The following MAGI2 variants were observed in gnomAD, a reference collection of about 807,000 sequenced individuals.
MAGI2 encodes membrane associated guanylate kinase, WW and PDZ domain containing 2.
Under a neutral mutation model 133.3 loss-of-function variants are expected in MAGI2, and 35 were observed. The ratio of observed to expected loss-of-function variants is 0.26; its 90% CI spans 0.20 to 0.35. The LOEUF is 0.35. Among genes scored for constraint, MAGI2 ranks in the 10% least tolerant of loss-of-function variants. MAGI2 has a pLI of 1.00. For missense variants in MAGI2, 1,636 were observed against 1,863.4 expected, an observed-to-expected ratio of 0.88 and a Z score of 2.25; for synonymous variants, 729 against 710.6, an observed-to-expected ratio of 1.03 and a Z score of -0.41.
At chr7:78,713,079 A>G (rs1039988626) in intron 2 of MAGI2, among the ~76,000 whole-genome samples, 1 of 152,162 alleles carries the variant, frequency 6.6e-6, no homozygotes, top group Non-Finnish European at 1.5e-5. Context: ...TCCCCAAAAA[A>G]TATGCTTTTG....
intron 1 of MAGI2, among the ~76,000 whole-genome samples, chr7:79,391,925 C>A (rs1016987053): frequency 7.9e-5 from 12 of 152,014 alleles, no homozygotes; most frequent in African/African-American, 2.9e-4. Flanking sequence ...ACCTCGTGAT[C>A]TGCCCGCCTT....
At chr7:79,282,316 A>G (rs1528269) in intron 1 of MAGI2, among the ~76,000 whole-genome samples, 88,033 of 151,922 alleles carry the variant, frequency 0.58, 27,175 homozygotes, top group Non-Finnish European at 0.68. Context: ...TTGCGTTTAT[A>G]GCCTCCAGAT....
intron 9 of MAGI2, among the ~76,000 whole-genome samples, chr7:78,309,831 C>G (rs1165435733): frequency 7.2e-6 from 1 of 139,336 alleles, no homozygotes. Context: ...GAGGCTCAGA[C>G]CTTTCTTCTA....
intron 6 of MAGI2, among the ~76,000 whole-genome samples, chr7:78,407,351 T>C (rs1797472530): frequency 6.6e-6 from 1 of 151,952 alleles, no homozygotes; most frequent in Admixed American, 6.6e-5. Flanking sequence ...TGTTTAACTT[T>C]CCATTAGGTC....
intron 20 of MAGI2, among the ~76,000 whole-genome samples, chr7:78,106,263 G>T (rs1246130585): frequency 6.6e-6 from 1 of 151,848 alleles, no homozygotes; most frequent in African/African-American, 2.4e-5. Flanking sequence ...ATCCATTGAC[G>T]GACACTTAAG....
At chr7:78,689,222 C>T (rs1453286282) in intron 2 of MAGI2, among the ~76,000 whole-genome samples, 1 of 152,014 alleles carries the variant, frequency 6.6e-6, no homozygotes, top group Non-Finnish European at 1.5e-5. Flanking sequence ...AATTATCTAT[C>T]CTATTGCAGA....
intron 1 of MAGI2, among the ~76,000 whole-genome samples, chr7:79,091,685 T>C (rs1817066879): frequency 6.6e-6 from 1 of 151,840 alleles, no homozygotes; most frequent in Admixed American, 6.6e-5. Context: ...CAGTAAGTCC[T>C]TCAGGTTTTG....
At chr7:78,742,701 A>C (rs73152448) in intron 2 of MAGI2, among the ~76,000 whole-genome samples, 6,673 of 152,296 alleles carry the variant, frequency 0.044, 216 homozygotes, top group Non-Finnish European at 0.067. Context: ...CTTGCCTCTC[A>C]TCCATCAAGA....
At chr7:78,262,177 G>C (rs1434724874) in intron 9 of MAGI2, among the ~76,000 whole-genome samples, 2 of 152,050 alleles carry the variant, frequency 1.3e-5, no homozygotes, top group Admixed American at 1.3e-4. Flanking sequence ...AGTCTTGCAG[G>C]TAGCATTATT....
At chr7:79,004,698 A>T (rs1807255835) in intron 2 of MAGI2, among the ~76,000 whole-genome samples, 1 of 152,242 alleles carries the variant, frequency 6.6e-6, no homozygotes, top group Non-Finnish European at 1.5e-5. Flanking sequence ...TGCATGTAAC[A>T]AAATAAATAT....
At chr7:79,333,996 G>T (rs1229434941) in intron 1 of MAGI2, among the ~76,000 whole-genome samples, 3 of 152,150 alleles carry the variant, frequency 2.0e-5, no homozygotes, top group Non-Finnish European at 4.4e-5. Flanking sequence ...AGTTAAGGAT[G>T]ACATTACACT....
At chr7:79,218,260 A>T (rs2129553277) in intron 1 of MAGI2, among the ~76,000 whole-genome samples, 1 of 152,102 alleles carries the variant, frequency 6.6e-6, no homozygotes, top group East Asian at 1.9e-4. Context: ...AAAAATCCCC[A>T]GTGTGCTATC....
chr7:78,273,943 G>C lies in MAGI2; in HGVS notation c.1409-17362C>G, dbSNP rs115233982. On this transcript the variant is annotated intron_variant, in intron 9 of 21. Transcript: ENST00000354212. ...TTCTGAAGTGTACTTCTGTCAGTTC[G>C]TCAAACTCATTCTCCACCCAGTTTT... Among the ~76,000 whole-genome samples, 714 of 152,112 alleles carry C rather than the reference G, an allele frequency of 4.7e-3. 7 individuals are homozygous for C. Among genetic ancestry groups the C allele is most frequent in the African/African-American group, 0.015 (642 of 41,522 alleles).
At chr7:78,828,190 CG>C (rs111601247) in intron 2 of MAGI2, among the ~76,000 whole-genome samples, 5,680 of 152,214 alleles carry the variant, frequency 0.037, 343 homozygotes, top group African/African-American at 0.13. Context: ...CAGCCTTCCC[CG>C]CCTCTTAAAT....
intron 2 of MAGI2, among the ~76,000 whole-genome samples, chr7:78,954,557 A>G (rs1802138067): frequency 6.6e-6 from 1 of 152,156 alleles, no homozygotes; most frequent in African/African-American, 2.4e-5. Context: ...CTGGTCTGGC[A>G]ATAGTGTGGA....
At chr7:79,439,520 T>C (rs746878490) in intron 1 of MAGI2, among the ~76,000 whole-genome samples, 12 of 152,136 alleles carry the variant, frequency 7.9e-5, no homozygotes, top group Non-Finnish European at 1.3e-4. Flanking sequence ...TAATGTTTAC[T>C]CTTGTACCAT....
At chr7:78,110,964 T>C (rs529444650) in intron 20 of MAGI2, among the ~76,000 whole-genome samples, 1 of 152,152 alleles carries the variant, frequency 6.6e-6, no homozygotes, top group Non-Finnish European at 1.5e-5. Context: ...GTGTGAATCA[T>C]GATCAAGGTG....
At chr7:78,636,296 T>C (rs1418137194) in intron 2 of MAGI2, among the ~76,000 whole-genome samples, 1 of 152,136 alleles carries the variant, frequency 6.6e-6, no homozygotes, top group Non-Finnish European at 1.5e-5. Context: ...TGTCAATTTT[T>C]GTTTAAAGCA....
At chr7:78,573,273 AATATATATATTT>A (rs1801829542) in intron 3 of MAGI2, among the ~76,000 whole-genome samples, 4 of 51,676 alleles carry the variant, frequency 7.7e-5, no homozygotes, top group Non-Finnish European at 1.2e-4. Context: ...AATATATATA[AATATATATATTT>A]ATATAAATAT....
Sources: allele counts gnomAD v4.1 joint callset (sites outside exome capture counted in the v4.1 genomes callset), GRCh38; gene constraint gnomAD v4.1.1; transcripts MANE v1.5; gene names NCBI Gene and HGNC (gene_info 2026-07-23, HGNC 2026-07-21).